Variants in RAD51B observed in about 807,000 individuals in gnomAD.
RAD51B encodes the protein DNA repair protein RAD51 homolog 2.
Under a neutral mutation model 42.2 loss-of-function variants are expected in RAD51B, and 38 were observed. That is an observed-to-expected ratio of 0.90 (90% CI 0.70 to 1.18). RAD51B has a LOEUF of 1.18. Among genes scored for constraint, RAD51B ranks in the 50% most tolerant of loss-of-function variants. RAD51B has a pLI of 0.00. For synonymous variants in RAD51B, 154 were observed against 145.2 expected, an observed-to-expected ratio of 1.06 and a Z score of -0.43; for missense variants, 373 against 400.7, an observed-to-expected ratio of 0.93 and a Z score of 0.59.
At chr14:68,060,655 A>G (rs1394149603) in intron 7 of RAD51B, among the ~76,000 whole-genome samples, 1 of 152,134 alleles carries the variant, frequency 6.6e-6, no homozygotes, top group African/African-American at 2.4e-5. Flanking sequence ...CTCCTTTCCA[A>G]AGTATAGTTG....
intron 8 of RAD51B, among the ~76,000 whole-genome samples, chr14:68,341,849 C>T (rs547033435): frequency 1.3e-5 from 2 of 152,258 alleles, no homozygotes; most frequent in Admixed American, 1.3e-4. Context: ...AGGAAGGTTT[C>T]AGTTATTAGA....
intron 8 of RAD51B, among the ~76,000 whole-genome samples, chr14:68,380,051 G>A (rs961533411): frequency 1.3e-5 from 2 of 152,150 alleles, no homozygotes; most frequent in South Asian, 4.1e-4. Context: ...TATACACATT[G>A]TTCCTGGAAC....
chr14:67,885,080 A>G (rs1022155330), intron 5 of RAD51B, among the ~76,000 whole-genome samples: 2 of 152,226 alleles, frequency 1.3e-5, no homozygotes, highest in African/African-American at 4.8e-5. Context: ...TAGGGCTGAT[A>G]AAATGTCATT....
intron 7 of RAD51B, among the ~76,000 whole-genome samples, chr14:68,136,258 G>A (rs1369062618): frequency 6.6e-6 from 1 of 152,102 alleles, no homozygotes; most frequent in Admixed American, 6.6e-5. Context: ...GTTTTGCTGT[G>A]AGCAGGGTCA....
chr14:68,258,431 A>ACACACACACT (rs1555382630), intron 7 of RAD51B, among the ~76,000 whole-genome samples: 20 of 149,108 alleles, frequency 1.3e-4, no homozygotes, highest in Middle Eastern at 6.9e-3. Context: ...ACACACACAC[A>ACACACACACT]CTCTCTCTCT....
At chr14:68,389,113 A>G (rs2083676395) in intron 8 of RAD51B, among the ~76,000 whole-genome samples, 1 of 152,184 alleles carries the variant, frequency 6.6e-6, no homozygotes. Flanking sequence ...TGTTTTTTTA[A>G]GTAACTTTTT....
chr14:68,664,737 T>C (rs574366767), intron 11 of RAD51B, among the ~76,000 whole-genome samples: 1 of 152,290 alleles, frequency 6.6e-6, no homozygotes, highest in South Asian at 2.1e-4. Flanking sequence ...CAATCCTTAC[T>C]CCTGAGCCTT....
At chr14:68,114,280 G>C (rs778832192) in intron 7 of RAD51B, 2 of 151,824 alleles carry the variant, frequency 1.3e-5, no homozygotes, top group African/African-American at 2.4e-5. Context: ...ATATATTTTT[G>C]TTTTATATTT....
At chr14:68,613,651 T>C (rs1891760557), downstream of RAD51B, among the ~76,000 whole-genome samples, 2 of 151,964 alleles carry the variant, frequency 1.3e-5, no homozygotes, top group South Asian at 2.1e-4. Context: ...AGATGGGGTT[T>C]CACCGTGTTA....
chr14:68,365,578 C>A (rs2083125641), intron 8 of RAD51B, among the ~76,000 whole-genome samples: 1 of 152,158 alleles, frequency 6.6e-6, no homozygotes, highest in Non-Finnish European at 1.5e-5. Context: ...AGATTAAAAC[C>A]TACATCTTGT....
intron 10 of RAD51B, among the ~76,000 whole-genome samples, chr14:68,567,696 G>A (rs1356247231): frequency 1.3e-5 from 2 of 152,214 alleles, no homozygotes; most frequent in African/African-American, 4.8e-5. Context: ...GACAATGCAA[G>A]TTCTACCTTC....
chr14:68,398,231 C>T (rs978251908), intron 8 of RAD51B, among the ~76,000 whole-genome samples: 3 of 152,360 alleles, frequency 2.0e-5, no homozygotes, highest in South Asian at 2.1e-4. Flanking sequence ...GCCTATGAAA[C>T]GGGAATAAGG....
chr14:68,538,306 G>A (rs1265532239), intron 10 of RAD51B, among the ~76,000 whole-genome samples: 2 of 152,170 alleles, frequency 1.3e-5, no homozygotes, highest in East Asian at 3.8e-4. Context: ...ACTCCCACAG[G>A]TGTGCAGGCT....
chr14:68,486,660 C>T (rs1226287023), intron 10 of RAD51B, among the ~76,000 whole-genome samples: 1 of 152,224 alleles, frequency 6.6e-6, no homozygotes, highest in Non-Finnish European at 1.5e-5. Flanking sequence ...TTCTGACCCT[C>T]ACTGTTTAAG....
chr14:68,668,919 C>A (rs1174732353), intron 11 of RAD51B, among the ~76,000 whole-genome samples: 2 of 152,194 alleles, frequency 1.3e-5, no homozygotes, highest in Non-Finnish European at 1.5e-5. Context: ...ATGGGTTTTC[C>A]CGAAAGACCT....
chr14:68,613,486 C>A (rs1406720241), downstream of RAD51B, among the ~76,000 whole-genome samples: 1 of 147,938 alleles, frequency 6.8e-6, no homozygotes, highest in Non-Finnish European at 1.5e-5. Flanking sequence ...TGGAGTCTCA[C>A]TCTGTCACCC....
chr14:67,940,203 A>C (rs1411488225), intron 7 of RAD51B, among the ~76,000 whole-genome samples: 1 of 148,782 alleles, frequency 6.7e-6, no homozygotes, highest in Non-Finnish European at 1.5e-5. Context: ...CCTCCCAAGT[A>C]GCTGGGATCA....
At chr14:67,841,135 G>A (rs751725283) in intron 4 of RAD51B, among the ~76,000 whole-genome samples, 3 of 152,190 alleles carry the variant, frequency 2.0e-5, no homozygotes, top group Non-Finnish European at 4.4e-5. Flanking sequence ...TCTGGCTGGT[G>A]TGAGATGGTA....
rs551417423 is a variant in RAD51B at position 68,166,709 on chromosome 14, C to G, written c.757-125175C>G. Among the ~76,000 whole-genome samples the G allele has an allele frequency of 1.6e-4, 24 of 152,240 alleles. No homozygotes were observed. The East Asian group carries it at 4.4e-3, about 28-fold the overall frequency. ...ATTCCCAAACATGTATTTCTAGGCT[C>G]AGATATTTTTCCTGATCCCCAGACT... On this transcript the variant is annotated intron_variant, in intron 7 of 10. Transcript: ENST00000471583.
Sources: gnomAD v4.1 joint callset for allele counts (sites outside exome capture counted in the v4.1 genomes callset) on GRCh38, gnomAD v4.1.1 for gene constraint, MANE v1.5 for transcripts, NCBI Gene and HGNC (gene_info 2026-07-23, HGNC 2026-07-21) for gene names.